Variants in NKIRAS1 observed in about 807,000 individuals in gnomAD.
The protein encoded by NKIRAS1 is NFKB inhibitor interacting Ras like 1.
A neutral mutation model predicts 19.8 loss-of-function variants in NKIRAS1; 16 were observed. That is an observed-to-expected ratio of 0.81 (90% CI 0.55 to 1.23). The LOEUF is 1.23. NKIRAS1 is among the 50% of genes most tolerant of loss of function. The probability of loss-of-function intolerance (pLI) is 0.00; values close to 1 mark genes in which losing one functional copy is unlikely to be tolerated. For synonymous variants in NKIRAS1, 88 were observed against 79.0 expected (o/e 1.11, Z -0.61); for missense variants, 184 against 220.0 (o/e 0.84, Z 1.04).
At chr3:23,925,105 A>G (rs940657570) in intron 1 of NKIRAS1, among the ~76,000 whole-genome samples, 5 of 152,170 alleles carry the variant, frequency 3.3e-5, no homozygotes, top group South Asian at 2.1e-4. Flanking sequence ...TGGGGAAGTG[A>G]TATCTTCCAG....
Position 23,927,195 on chromosome 3 carries a change from A to C in NKIRAS1, c.-139-15745T>G, listed in dbSNP as rs917974866. 6.6e-6 allele frequency among the ~76,000 whole-genome samples: 1 copy of C among 152,230 alleles called. No homozygotes were observed. Among genetic ancestry groups the C allele is most frequent in the African/African-American group, 2.4e-5 (1 of 41,454 alleles). ...TGAAAATAAAGCCTTTTAGTATAAA[A>C]TGCTGCTCAAGTTTTCTTTAGAAAA... On this transcript the variant is annotated intron_variant, in intron 1 of 4. Transcript: ENST00000421515. The surrounding 1 kb of genome is among the most constrained non-coding windows in gnomAD (Gnocchi z 4.0).
intron 4 of NKIRAS1, among the ~76,000 whole-genome samples, chr3:23,898,215 C>T (rs1575067980): frequency 1.3e-5 from 2 of 151,876 alleles, no homozygotes; most frequent in Admixed American, 1.3e-4. Flanking sequence ...TTTTCAAAAC[C>T]TTGTGAATAT....
At chr3:23,920,677 G>A (rs1705028968), upstream of NKIRAS1, 16 of 985,162 alleles carry the variant, frequency 1.6e-5, no homozygotes, top group Non-Finnish European at 1.9e-5. Context: ...TCTTCTCTAG[G>A]GGTTTCAAAA....
intron 1 of NKIRAS1, among the ~76,000 whole-genome samples, chr3:23,928,712 C>T (rs1006825599): frequency 1.3e-5 from 2 of 148,378 alleles, no homozygotes; most frequent in African/African-American, 4.9e-5. Flanking sequence ...AAAAAAAAGG[C>T]CGGGCGCTGT....
intron 4 of NKIRAS1, among the ~76,000 whole-genome samples, chr3:23,894,544 C>G (rs1701790932): frequency 1.3e-5 from 2 of 152,180 alleles, no homozygotes; most frequent in Admixed American, 1.3e-4. Context: ...ACTGTGACCT[C>G]CATCTCCCTC....
intron 4 of NKIRAS1, among the ~76,000 whole-genome samples, chr3:23,894,116 AAAGT>A (rs1701732966): frequency 6.6e-6 from 1 of 152,194 alleles, no homozygotes; most frequent in South Asian, 2.1e-4. Context: ...AAAAACAAAA[AAAGT>A]ATGTGCCAAT....
At chr3:23,921,264 C>T (rs1447523434), upstream of NKIRAS1, among the ~76,000 whole-genome samples, 1 of 145,404 alleles carries the variant, frequency 6.9e-6, no homozygotes, top group Non-Finnish European at 1.5e-5. Context: ...ACACAGTAGT[C>T]CAAGGGATCC....
At chr3:23,932,688 C>CA (rs5847261) in intron 1 of NKIRAS1, among the ~76,000 whole-genome samples, 135 of 72,920 alleles carry the variant, frequency 1.9e-3, no homozygotes, top group East Asian at 0.013. Flanking sequence ...AATTCCGTCT[C>CA]AAAAAAAAAA....
chr3:23,933,275 C>T (rs190340900), intron 1 of NKIRAS1, among the ~76,000 whole-genome samples: 157 of 152,358 alleles, frequency 1.0e-3, no homozygotes, highest in African/African-American at 3.7e-3. Flanking sequence ...TTCTCTCCTG[C>T]CTCACGCCTC....
upstream of NKIRAS1, chr3:23,918,719 A>C (rs1457519462): frequency 3.1e-6 from 3 of 975,692 alleles, no homozygotes; most frequent in African/African-American, 4.9e-5. Flanking sequence ...CTTGGTGAAG[A>C]GTAATTGCTT....
chr3:23,924,580 A>C (rs1293363417), intron 1 of NKIRAS1, among the ~76,000 whole-genome samples: 1 of 152,028 alleles, frequency 6.6e-6, no homozygotes, highest in Admixed American at 6.6e-5. Flanking sequence ...TTGTACTTTT[A>C]GTAGAGGCGG....
chr3:23,910,758 G>A, intron 3 of NKIRAS1, 53 bp downstream of exon 3: 1 of 1,338,300 alleles, frequency 7.5e-7, no homozygotes, highest in South Asian at 1.2e-5. Flanking sequence ...ACCAACAAAA[G>A]ACCCCTGATA....
At chr3:23,901,618 TTTA>T (rs1702530893) in intron 3 of NKIRAS1, among the ~76,000 whole-genome samples, 1 of 152,178 alleles carries the variant, frequency 6.6e-6, no homozygotes, top group Admixed American at 6.5e-5. Context: ...AGTCTCTAAG[TTTA>T]TTAAGTGAAA....
intron 1 of NKIRAS1, among the ~76,000 whole-genome samples, chr3:23,936,039 C>A (rs183566353): frequency 7.2e-6 from 1 of 139,012 alleles, no homozygotes; most frequent in East Asian, 2.1e-4. Flanking sequence ...GCTATAATCA[C>A]GCCACTGCAC....
intron 3 of NKIRAS1, among the ~76,000 whole-genome samples, chr3:23,906,282 C>G (rs1042728685): frequency 6.6e-6 from 1 of 151,832 alleles, no homozygotes; most frequent in African/African-American, 2.4e-5. Context: ...AATAGATTAT[C>G]TGATGGAGCT....
chr3:23,927,835 T>C lies in NKIRAS1; in HGVS notation c.-139-16385A>G, dbSNP rs879105090. ...GGCTCATACCTGTAATCCTAGAAAT[T>C]TGGGAGGCCAAAGTGGGAGGACTGC... is the stretch of plus-strand genomic sequence containing the variant. On this transcript the variant is annotated intron_variant, in intron 1 of 4. Coordinates refer to the NKIRAS1 transcript ENST00000421515. The surrounding 1 kb of genome is among the most constrained non-coding windows in gnomAD (Gnocchi z 4.0). Among the ~76,000 whole-genome samples the C allele has an allele frequency of 1.3e-5, 2 of 152,062 alleles. No homozygotes were observed. Among genetic ancestry groups the C allele is most frequent in the Admixed American group, 1.3e-4 (2 of 15,258 alleles).
intron 3 of NKIRAS1, among the ~76,000 whole-genome samples, chr3:23,904,293 T>C (rs564489088): frequency 6.6e-6 from 1 of 152,326 alleles, no homozygotes; most frequent in Admixed American, 6.5e-5. Context: ...CTCACAGTTC[T>C]GGAGGCTGGG....
At chr3:23,937,122 G>A (rs974645143) in intron 1 of NKIRAS1, among the ~76,000 whole-genome samples, 4 of 152,190 alleles carry the variant, frequency 2.6e-5, no homozygotes, top group African/African-American at 9.7e-5. Flanking sequence ...CTGGGGTGGT[G>A]TAATCCTGGC....
At chr3:23,921,803 G>C, upstream of NKIRAS1, 10 of 566,504 alleles carry the variant, frequency 1.8e-5, no homozygotes, top group Non-Finnish European at 2.8e-5. Context: ...TCGAACTCCT[G>C]ACCTCAAGTG....
Sources: gnomAD v4.1 joint callset for allele counts (sites outside exome capture counted in the v4.1 genomes callset) on GRCh38, gnomAD v4.1.1 for gene constraint, Gnocchi (gnomAD v3.1) non-coding constraint, MANE v1.5 for transcripts, NCBI Gene and HGNC (gene_info 2026-07-23, HGNC 2026-07-21) for gene names.